The following NTM variants were observed in gnomAD, a reference collection of about 807,000 sequenced individuals.
NTM encodes the protein neurotrimin.
NTM carries 13 observed loss-of-function variants against 42.1 expected under a neutral mutation model. The observed-to-expected ratio is 0.31, with a 90% confidence interval of 0.20 to 0.49. NTM has a LOEUF of 0.49. Ranked by LOEUF, NTM falls within the 20% of genes least tolerant of loss-of-function variation. NTM has a pLI of 0.99. For synonymous variants in NTM, 187 were observed against 179.2 expected (o/e 1.04, Z -0.35); for missense variants, 373 against 452.8 (o/e 0.82, Z 1.60).
rs574863637 is a variant in NTM, at chr11:132,045,658, A to T, written c.168-100624A>T. On this transcript the variant is annotated intron_variant, in intron 2 of 8. Transcript: ENST00000683400. ...ATACTTAGCTCCCAAATATGAGTAC[A>T]GCTAGATCAGAGACAGGGTTTCCTC... Among the ~76,000 whole-genome samples the T allele has an allele frequency of 5.9e-5, 9 of 152,302 alleles. 1 individual carries two copies. The South Asian group carries it at 1.2e-3, about 21-fold the overall frequency.
At chr11:132,254,197 A>T (rs2092268043) in intron 4 of NTM, among the ~76,000 whole-genome samples, 1 of 152,008 alleles carries the variant, frequency 6.6e-6, no homozygotes, top group African/African-American at 2.4e-5. Context: ...TGTTCTACTG[A>T]GCACCCGGCT....
intron 1 of NTM, chr11:131,794,405 A>G (rs2091311893): frequency 3.6e-6 from 3 of 835,540 alleles, no homozygotes; most frequent in African/African-American, 1.9e-5. Flanking sequence ...CTCACCTTCC[A>G]TCTACATGCT....
At chr11:131,548,428 G>A (rs2054228054) in intron 1 of NTM, among the ~76,000 whole-genome samples, 2 of 152,154 alleles carry the variant, frequency 1.3e-5, no homozygotes, top group East Asian at 1.9e-4. Context: ...GAGGGGTGAA[G>A]CCTGATCATC....
intron 1 of NTM, among the ~76,000 whole-genome samples, chr11:131,704,487 C>A (rs1233620279): frequency 1.3e-5 from 2 of 152,190 alleles, no homozygotes; most frequent in African/African-American, 4.8e-5. Context: ...TGGTGAAGGA[C>A]TTTACATAAC....
chr11:131,447,462 C>G (rs1176535635), intron 1 of NTM, among the ~76,000 whole-genome samples: 1 of 152,124 alleles, frequency 6.6e-6, no homozygotes, highest in Admixed American at 6.5e-5. Flanking sequence ...TCCCTGTGGC[C>G]GTGCAGGCTG....
At chr11:132,179,861 G>GCATAA (rs1269104385) in intron 3 of NTM, among the ~76,000 whole-genome samples, 2 of 152,174 alleles carry the variant, frequency 1.3e-5, no homozygotes, top group Admixed American at 1.3e-4. Context: ...GCATAGCATA[G>GCATAA]CAGTTTAGCA....
chr11:131,757,562 T>C (rs538681012), intron 1 of NTM, among the ~76,000 whole-genome samples: 1 of 152,308 alleles, frequency 6.6e-6, no homozygotes, highest in African/African-American at 2.4e-5. Flanking sequence ...GTTAGGTCCA[T>C]ATTCAATGCC....
At chr11:131,730,735 G>GGAA (rs1201617886) in intron 1 of NTM, among the ~76,000 whole-genome samples, 2 of 146,218 alleles carry the variant, frequency 1.4e-5, no homozygotes, top group African/African-American at 5.2e-5. Context: ...AAGAAGAAGA[G>GGAA]AAGAAGACGA....
chr11:131,790,451 A>G (rs963508557), intron 1 of NTM, among the ~76,000 whole-genome samples: 1 of 152,012 alleles, frequency 6.6e-6, no homozygotes, highest in Admixed American at 6.6e-5. Context: ...GTGGTCTCTT[A>G]CTCTGGGTGG....
chr11:132,026,403 T>C (rs2075182526), intron 2 of NTM, among the ~76,000 whole-genome samples: 1 of 152,318 alleles, frequency 6.6e-6, no homozygotes, highest in African/African-American at 2.4e-5. Context: ...GGTCCACTTA[T>C]ATGAGACATC....
At chr11:132,125,817 TATGTGTG>T (rs1334860386) in intron 2 of NTM, among the ~76,000 whole-genome samples, 1 of 150,810 alleles carries the variant, frequency 6.6e-6, no homozygotes, top group African/African-American at 2.4e-5. Context: ...TGCTGTGTGG[TATGTGTG>T]GTGTGTGGTG....
chr11:131,956,070 C>T (rs973913639), intron 2 of NTM, among the ~76,000 whole-genome samples: 2 of 152,180 alleles, frequency 1.3e-5, no homozygotes. Context: ...GTCTGCTACC[C>T]GGTGTCAGGG....
At chr11:132,104,581 C>CT (rs1446806745) in intron 2 of NTM, among the ~76,000 whole-genome samples, 1 of 141,660 alleles carries the variant, frequency 7.1e-6, no homozygotes, top group African/African-American at 2.7e-5. Context: ...GTGGGACCCC[C>CT]CCCCACCAAA....
At chr11:131,374,548 C>A (rs536392719) in intron 1 of NTM, among the ~76,000 whole-genome samples, 1 of 152,124 alleles carries the variant, frequency 6.6e-6, no homozygotes, top group Non-Finnish European at 1.5e-5. Context: ...CCTTCCATAG[C>A]GCTGGTTTTA....
At chr11:132,088,935 CAAAA>C (rs1405835692) in intron 2 of NTM, among the ~76,000 whole-genome samples, 1 of 150,858 alleles carries the variant, frequency 6.6e-6, no homozygotes, top group Non-Finnish European at 1.5e-5. Context: ...GATTTGGAAA[CAAAA>C]AGAAGCCAGA....
chr11:131,969,133 A>G (rs1371734224), intron 2 of NTM, among the ~76,000 whole-genome samples: 1 of 152,192 alleles, frequency 6.6e-6, no homozygotes, highest in Non-Finnish European at 1.5e-5. Flanking sequence ...TAGTACAAAG[A>G]CTGAAGTCAT....
At position 131,790,285 on chromosome 11, in the gene NTM, T is replaced by C. The variant is rs112179869; in HGVS notation, c.83-121279T>C. Reference sequence around the variant, plus strand: ...TCAGTGGGTTTGCTCTATTCCAGGATAGACTGATGAGAAAAACACATGCCA... The same window carrying C: ...TCAGTGGGTTTGCTCTATTCCAGGACAGACTGATGAGAAAAACACATGCCA... On this transcript the variant is annotated intron_variant, in intron 1 of 8. Transcript: ENST00000683400. 7.0e-3 allele frequency among the ~76,000 whole-genome samples: 1,070 copies of C among 152,244 alleles called. 9 individuals are homozygous for C. The highest frequency in any genetic ancestry group is 0.024 in the African/African-American group (995 of 41,534).
rs145110868 is a variant in NTM, at chr11:132,249,407, G to A, written c.526+37260G>A. 7.2e-3 allele frequency among the ~76,000 whole-genome samples: 1,091 copies of A among 152,266 alleles called. 13 individuals carry two copies. Among genetic ancestry groups the A allele is most frequent in the Middle Eastern group, 0.041 (12 of 294 alleles). On this transcript the variant is annotated intron_variant, in intron 4 of 8. Transcript: ENST00000683400. ...GAACTCCCTGGAGAAGGCAGGGACC[G>A]CCTATCCCCAGCTGATCTGCTGAGG...
intron 1 of NTM, among the ~76,000 whole-genome samples, chr11:131,464,308 T>C (rs1951682378): frequency 6.6e-6 from 1 of 151,804 alleles, no homozygotes; most frequent in Non-Finnish European, 1.5e-5. Flanking sequence ...GAATGATCTG[T>C]CAGGACACCT....
Sources: allele counts gnomAD v4.1 joint callset (sites outside exome capture counted in the v4.1 genomes callset), GRCh38; gene constraint gnomAD v4.1.1; transcripts MANE v1.5; gene names NCBI Gene and HGNC (gene_info 2026-07-23, HGNC 2026-07-21).